ZRANB1: variants seen among roughly 807,000 people sequenced by gnomAD.
ZRANB1 encodes the protein zinc finger RANBP2-type containing 1, also known as ubiquitin thioesterase ZRANB1.
A neutral mutation model predicts 80.5 loss-of-function variants in ZRANB1; 16 were observed. That is an observed-to-expected ratio of 0.20 (90% CI 0.13 to 0.30). The LOEUF (loss-of-function observed/expected upper bound fraction) is 0.30. Among genes scored for constraint, ZRANB1 ranks in the 10% least tolerant of loss-of-function variants. ZRANB1 has a pLI of 1.00. For synonymous variants in ZRANB1, 291 were observed against 293.1 expected (o/e 0.99, Z 0.07); for missense variants, 576 against 862.6 (o/e 0.67, Z 4.16).
upstream of ZRANB1, among the ~76,000 whole-genome samples, chr10:124,940,831 G>A (rs1951529080): frequency 1.3e-5 from 2 of 152,034 alleles, no homozygotes; most frequent in African/African-American, 4.8e-5. Context: ...ACAAAAATTA[G>A]CCGGGCATGG....
chr10:124,927,179 TCTC>T, the ZRANB1 span, among the ~76,000 whole-genome samples: 4 of 152,022 alleles, frequency 2.6e-5, no homozygotes, highest in Non-Finnish European at 4.4e-5. Context: ...ATGGTCTCGA[TCTC>T]CTGATCTCGT....
chr10:124,972,072 T>C lies in ZRANB1; in HGVS notation c.1110T>C (p.Phe370=). ...AASLHQRKGD[F]ACYFLTDLVT... is the part of the protein sequence containing the mutation. ...CTCTTCATCAGAGAAAGGGGGATTTTGCTTGCTATTTTCTGACTGACCTTG... is the reference window on the plus strand; with the variant it reads ...CTCTTCATCAGAGAAAGGGGGATTTCGCTTGCTATTTTCTGACTGACCTTG... The change falls in exon 3 of 9, where the codon TTT becomes TTC. Residue 370 remains phenylalanine (F), a synonymous_variant. Coordinates refer to ENST00000359653, the MANE Select transcript of ZRANB1 (RefSeq NM_017580.3). 1 of 1,614,000 alleles carries C rather than the reference T, an allele frequency of 6.2e-7. No homozygotes were observed. Among genetic ancestry groups the C allele is most frequent in the South Asian group, 1.1e-5 (1 of 91,052 alleles).
intron 1 of ZRANB1, among the ~76,000 whole-genome samples, chr10:124,960,759 T>TA (rs113595679): frequency 2.3e-4 from 35 of 151,792 alleles, no homozygotes; most frequent in South Asian, 8.3e-4. Context: ...TACCCTCTAG[T>TA]AAAAAAAAGG....
chr10:124,932,439 G>A, the ZRANB1 span, among the ~76,000 whole-genome samples: 16 of 151,904 alleles, frequency 1.1e-4, no homozygotes, highest in Admixed American at 6.6e-4. Flanking sequence ...ACAGGTACCC[G>A]CCACCGCACC....
the ZRANB1 span, among the ~76,000 whole-genome samples, chr10:124,924,408 C>G: frequency 1.3e-5 from 2 of 151,902 alleles, no homozygotes; most frequent in Non-Finnish European, 2.9e-5. Flanking sequence ...GTTGTACAGC[C>G]ATTACCAACC....
At chr10:124,947,460 A>G (rs1951594876) in intron 1 of ZRANB1, among the ~76,000 whole-genome samples, 1 of 152,172 alleles carries the variant, frequency 6.6e-6, no homozygotes, top group Non-Finnish European at 1.5e-5. Flanking sequence ...ATTGCACTTC[A>G]ATTTGTGTAC....
chr10:124,986,945 T>A lies in ZRANB1; in HGVS notation c.*1953T>A, dbSNP rs1952061079. The stretch of plus-strand genomic sequence containing the variant: ...ACTGTGTGTTGTGGTCTGGTGAGTG[T>A]TGTTTCCCCTGAGCGCTCTATTATT... On this transcript the variant is annotated 3_prime_UTR_variant, in exon 9 of 9. Transcript: ENST00000359653. 1 of 152,242 alleles carries A rather than the reference T, an allele frequency of 6.6e-6. No individual in the cohort carries two copies. The highest frequency in any genetic ancestry group is 2.1e-4 in the South Asian group (1 of 4,822). 9.4% of individuals were successfully genotyped at this position (152,242 alleles called of 1,614,324 possible). A position where few individuals can be genotyped will look rare whatever the true frequency, so the allele number is the denominator to read the frequency against.
the ZRANB1 span, among the ~76,000 whole-genome samples, chr10:124,922,262 T>TATATATATATATGTAAA: frequency 2.0e-5 from 2 of 100,584 alleles, no homozygotes; most frequent in African/African-American, 9.0e-5. Context: ...ATATGTAAAA[T>TATATATATATATGTAAA]ATATATATAT....
chr10:124,946,602 G>T (rs1951586269), intron 1 of ZRANB1, among the ~76,000 whole-genome samples: 1 of 152,118 alleles, frequency 6.6e-6, no homozygotes, highest in Non-Finnish European at 1.5e-5. Context: ...TGTGGACTAT[G>T]TCTTTCCTAT....
intron 6 of ZRANB1, among the ~76,000 whole-genome samples, chr10:124,982,125 A>G (rs946572334): frequency 6.6e-6 from 1 of 152,238 alleles, no homozygotes; most frequent in Non-Finnish European, 1.5e-5. Flanking sequence ...AAGCTGTGCT[A>G]TGACGGTTAC....
intron 5 of ZRANB1, among the ~76,000 whole-genome samples, chr10:124,978,628 C>G (rs1951902104): frequency 6.6e-6 from 1 of 151,762 alleles, no homozygotes. Flanking sequence ...TAGAATTATT[C>G]CTTTTTTTCT....
chr10:124,974,163 G>T (rs780805239), intron 4 of ZRANB1, 37 bp from the exon 5 acceptor site: 3 of 1,599,818 alleles, frequency 1.9e-6, no homozygotes, highest in Admixed American at 3.3e-5. Flanking sequence ...AATGACATAG[G>T]TATGGAAATG....
chr10:124,955,976 G>A (rs986764863), intron 1 of ZRANB1, among the ~76,000 whole-genome samples: 3 of 152,150 alleles, frequency 2.0e-5, no homozygotes, highest in Admixed American at 6.5e-5. Context: ...GCAAATGGGC[G>A]GTGATGGCAG....
chr10:124,977,579 T>C (rs1250720947), intron 5 of ZRANB1, among the ~76,000 whole-genome samples: 1 of 151,510 alleles, frequency 6.6e-6, no homozygotes, highest in Non-Finnish European at 1.5e-5. Context: ...GGCGTGGTAG[T>C]GTGTGCCTGT....
the ZRANB1 span, among the ~76,000 whole-genome samples, chr10:124,931,316 T>C: frequency 7.8e-6 from 1 of 128,636 alleles, no homozygotes; most frequent in Non-Finnish European, 1.8e-5. Flanking sequence ...CCCAAGGTGC[T>C]AGGATTACAG....
chr10:124,929,589 C>T, the ZRANB1 span, among the ~76,000 whole-genome samples: 3 of 151,726 alleles, frequency 2.0e-5, no homozygotes, highest in African/African-American at 2.4e-5. Flanking sequence ...CTGCCCACCT[C>T]TGCCTCCCAA....
the ZRANB1 span, chr10:124,917,346 G>T: frequency 1.3e-5 from 2 of 150,654 alleles, no homozygotes; most frequent in South Asian, 3.7e-4. Flanking sequence ...CAGGTTGCCG[G>T]GCCTCACGGG....
At chr10:124,944,952 T>C (rs1951567604) in intron 1 of ZRANB1, among the ~76,000 whole-genome samples, 3 of 152,020 alleles carry the variant, frequency 2.0e-5, no homozygotes, top group African/African-American at 7.2e-5. Flanking sequence ...CGGGCTATCT[T>C]CTGTCTGTGT....
the ZRANB1 span, among the ~76,000 whole-genome samples, chr10:124,920,814 A>G: frequency 6.6e-6 from 1 of 152,034 alleles, no homozygotes; most frequent in Non-Finnish European, 1.5e-5. Context: ...CTTCCCAACT[A>G]GTTTTTTAAG....
Sources: gnomAD v4.1 joint callset for allele counts (sites outside exome capture counted in the v4.1 genomes callset) on GRCh38, gnomAD v4.1.1 for gene constraint, MANE v1.5 for transcripts, NCBI Gene and HGNC (gene_info 2026-07-23, HGNC 2026-07-21) for gene names.